SCAI: variants seen among roughly 807,000 people sequenced by gnomAD.
SCAI encodes suppressor of cancer cell invasion.
Under a neutral mutation model 92.2 loss-of-function variants are expected in SCAI, and 24 were observed. The ratio of observed to expected loss-of-function variants is 0.26; its 90% CI spans 0.19 to 0.37. SCAI has a LOEUF of 0.37. SCAI is among the 10% of genes least tolerant of loss of function. SCAI has a pLI of 1.00. For synonymous variants in SCAI, 261 were observed against 258.6 expected (o/e 1.01, Z -0.09); for missense variants, 450 against 736.2 (o/e 0.61, Z 4.50).
At chr9:125,066,247 A>G (rs1833866055) in intron 2 of SCAI, among the ~76,000 whole-genome samples, 1 of 152,100 alleles carries the variant, frequency 6.6e-6, no homozygotes, top group East Asian at 1.9e-4. Context: ...TATTCCCAAG[A>G]ACAAAGAAAA....
intron 14 of SCAI, among the ~76,000 whole-genome samples, chr9:124,985,656 T>C (rs1005794284): frequency 2.0e-5 from 3 of 150,412 alleles, no homozygotes; most frequent in African/African-American, 7.3e-5. Context: ...TCACCTGAGG[T>C]TGGGAGTTTG....
At position 125,130,936 on chromosome 9, in the gene SCAI, CTTTTTTTTTTTTTTT is replaced by C. The variant is rs545651994; in HGVS notation, c.98+11682_98+11696del. Among the ~76,000 whole-genome samples, 80 of 77,298 alleles carry C rather than the reference CTTTTTTTTTTTTTTT, an allele frequency of 1.0e-3. No individual in the cohort carries two copies. The South Asian group carries it at 0.034, about 33-fold the overall frequency. The allele number at this position is 77,298 out of a possible 152,430, so 50.7% of individuals were successfully genotyped here. ...CTTATCTGGATCTTGGTTTGAACCG[CTTTTTTTTTTTTTTT>C]TTTTTTTTTTTGGAGACAGAGGTCT... On this transcript the variant is annotated intron_variant, in intron 2 of 17. Transcript: ENST00000336505.
At chr9:125,093,005 C>T (rs979140791) in intron 2 of SCAI, among the ~76,000 whole-genome samples, 9 of 152,158 alleles carry the variant, frequency 5.9e-5, no homozygotes, top group African/African-American at 9.7e-5. Flanking sequence ...TGTTACTTAT[C>T]GACAGCACTG....
intron 17 of SCAI, among the ~76,000 whole-genome samples, chr9:124,957,368 A>AT (rs545626411): frequency 2.4e-3 from 351 of 146,096 alleles, no homozygotes; most frequent in Non-Finnish European, 3.6e-3. Flanking sequence ...AAATAATTCA[A>AT]TTTTTTTTTT....
intron 2 of SCAI, chr9:125,142,410 T>C (rs1835687916): frequency 2.5e-6 from 1 of 406,944 alleles, no homozygotes; most frequent in Non-Finnish European, 4.4e-6. Flanking sequence ...GTAGGATTTC[T>C]CAAGATTTCC....
chr9:124,951,979 T>G lies in SCAI; in HGVS notation c.*828A>C, dbSNP rs1432024222. 6.6e-6 allele frequency: 1 copy of G among 152,212 alleles called. No homozygotes were observed. The highest frequency in any genetic ancestry group is 1.5e-5 in the Non-Finnish European group (1 of 68,034). 9.4% of individuals were successfully genotyped at this position (152,212 alleles called of 1,614,324 possible). A position where few individuals can be genotyped will look rare whatever the true frequency, so the allele number is the denominator to read the frequency against. On this transcript the variant is annotated 3_prime_UTR_variant, in exon 18 of 18. Coordinates refer to ENST00000336505, the MANE Select transcript of SCAI (RefSeq NM_001144877.3). Reference sequence around the variant, plus strand: ...TGAGGCAAAAAATTAAAACTTTATGTCACAGACATCAATCCAGTCTTTAAA... The same window carrying G: ...TGAGGCAAAAAATTAAAACTTTATGGCACAGACATCAATCCAGTCTTTAAA...
chr9:124,983,442 C>T (rs938409085), intron 14 of SCAI, among the ~76,000 whole-genome samples: 1 of 152,220 alleles, frequency 6.6e-6, no homozygotes, highest in Admixed American at 6.5e-5. Flanking sequence ...ACCACCACCT[C>T]CCGGGTTCAA....
intron 2 of SCAI, among the ~76,000 whole-genome samples, chr9:125,093,596 C>T (rs1834487389): frequency 1.4e-5 from 2 of 147,982 alleles, no homozygotes; most frequent in Admixed American, 1.4e-4. Flanking sequence ...GACAGGGTCT[C>T]GCTCTGTCAC....
chr9:124,995,599 C>T (rs1211412422), intron 13 of SCAI, among the ~76,000 whole-genome samples: 1 of 152,032 alleles, frequency 6.6e-6, no homozygotes, highest in Non-Finnish European at 1.5e-5. Context: ...AGGTGATCCT[C>T]CCACCTCAGC....
chr9:125,134,115 C>T (rs1302779282), intron 2 of SCAI, among the ~76,000 whole-genome samples: 1 of 152,130 alleles, frequency 6.6e-6, no homozygotes, highest in South Asian at 2.1e-4. Flanking sequence ...CACCCAAGAC[C>T]TCATTATTAG....
intron 2 of SCAI, among the ~76,000 whole-genome samples, chr9:125,140,998 A>C (rs780512574): frequency 1.3e-5 from 2 of 152,126 alleles, no homozygotes; most frequent in Non-Finnish European, 2.9e-5. Context: ...TACTTATCTC[A>C]TTTCAGACCC....
At chr9:125,015,061 T>C (rs113662418) in intron 9 of SCAI, among the ~76,000 whole-genome samples, 1 of 151,886 alleles carries the variant, frequency 6.6e-6, no homozygotes, top group Non-Finnish European at 1.5e-5. Context: ...AAATGTTAGA[T>C]CTAAAACCAT....
At chr9:125,077,964 A>C (rs367577566) in intron 2 of SCAI, among the ~76,000 whole-genome samples, 5 of 147,838 alleles carry the variant, frequency 3.4e-5, no homozygotes, top group African/African-American at 1.0e-4. Context: ...AGTGATCCAC[A>C]CCCCCCCCGC....
At chr9:125,018,045 C>T (rs1832798239) in intron 9 of SCAI, among the ~76,000 whole-genome samples, 1 of 151,876 alleles carries the variant, frequency 6.6e-6, no homozygotes, top group Non-Finnish European at 1.5e-5. Context: ...CAACTCCTCG[C>T]CCCTTTTTGC....
At chr9:125,061,241 G>A (rs7868222) in intron 2 of SCAI, among the ~76,000 whole-genome samples, 9 of 152,126 alleles carry the variant, frequency 5.9e-5, no homozygotes, top group African/African-American at 2.2e-4. Context: ...AGCTTGTAAT[G>A]AGCAGAGATC....
At chr9:125,054,266 C>T (rs1588181540) in intron 3 of SCAI, among the ~76,000 whole-genome samples, 1 of 152,194 alleles carries the variant, frequency 6.6e-6, no homozygotes, top group Admixed American at 6.5e-5. Context: ...TGAGCCACTG[C>T]GCCTGGCCTC....
Position 125,099,562 on chromosome 9 carries a change from G to A in SCAI, c.98+43071C>T, listed in dbSNP as rs1019613949. 3.3e-5 allele frequency among the ~76,000 whole-genome samples: 5 copies of A among 152,112 alleles called. No homozygotes were observed. In the East Asian group the frequency reaches 7.7e-4, roughly 23 times the overall value. Reference sequence around the variant, plus strand: ...CTCCCAAAGTGCTAGGATTACAGACGGCAGCTTTTCATCCTTCAAAGAAAA... The same window carrying A: ...CTCCCAAAGTGCTAGGATTACAGACAGCAGCTTTTCATCCTTCAAAGAAAA... On this transcript the variant is annotated intron_variant, in intron 2 of 17. Coordinates refer to ENST00000336505, the MANE Select transcript of SCAI (RefSeq NM_001144877.3).
At chr9:124,974,405 A>G (rs1831716581) in intron 15 of SCAI, 1 of 236,746 alleles carries the variant, frequency 4.2e-6, no homozygotes, top group East Asian at 1.5e-4. Flanking sequence ...CTATGATCAC[A>G]CAACTGTACT....
At chr9:125,043,665 A>G (rs1361423039) in intron 3 of SCAI, among the ~76,000 whole-genome samples, 1 of 152,114 alleles carries the variant, frequency 6.6e-6, no homozygotes, top group African/African-American at 2.4e-5. Flanking sequence ...CTGTTGTCCA[A>G]GCTGGAGTAC....
Sources: gnomAD v4.1 joint callset for allele counts (sites outside exome capture counted in the v4.1 genomes callset) on GRCh38, gnomAD v4.1.1 for gene constraint, MANE v1.5 for transcripts, NCBI Gene and HGNC (gene_info 2026-07-23, HGNC 2026-07-21) for gene names.